PTPRD: variants seen among roughly 807,000 people sequenced by gnomAD.
The protein encoded by PTPRD is protein tyrosine phosphatase receptor type D.
A neutral mutation model predicts 214.5 loss-of-function variants in PTPRD; 34 were observed. The observed-to-expected ratio is 0.16, with a 90% CI of 0.12 to 0.21. The LOEUF is 0.21. Among genes scored for constraint, PTPRD ranks in the 10% least tolerant of loss-of-function variants. The probability of loss-of-function intolerance (pLI) is 1.00; values close to 1 mark genes in which losing one functional copy is unlikely to be tolerated. For synonymous variants in PTPRD, 1,128 were observed against 845.7 expected (o/e 1.33, Z -5.79); for missense variants, 2,545 against 2,398.7 (o/e 1.06, Z -1.27).
At chr9:9,896,660 T>A (rs73400678) in intron 5 of PTPRD, among the ~76,000 whole-genome samples, 1 of 151,978 alleles carries the variant, frequency 6.6e-6, no homozygotes, top group African/African-American at 2.4e-5. Context: ...AGAGGATCAG[T>A]CTAAGAAGCT....
At chr9:9,005,168 G>C (rs756987450) in intron 11 of PTPRD, among the ~76,000 whole-genome samples, 1 of 152,032 alleles carries the variant, frequency 6.6e-6, no homozygotes, top group Non-Finnish European at 1.5e-5. Flanking sequence ...GCTTAGAGGA[G>C]CTTAATAATA....
intron 11 of PTPRD, among the ~76,000 whole-genome samples, chr9:8,775,258 T>C (rs1487282740): frequency 1.3e-5 from 2 of 152,222 alleles, no homozygotes; most frequent in Non-Finnish European, 2.9e-5. Context: ...ATGGTCTGTT[T>C]AAGCTTTGTT....
At chr9:9,923,225 T>C (rs541328072) in intron 5 of PTPRD, among the ~76,000 whole-genome samples, 10 of 143,540 alleles carry the variant, frequency 7.0e-5, no homozygotes, top group African/African-American at 2.5e-4. Context: ...TGAGGTGTTG[T>C]ATATTTTTAC....
chr9:8,671,885 A>G (rs2097295664), intron 12 of PTPRD, among the ~76,000 whole-genome samples: 2 of 152,176 alleles, frequency 1.3e-5, no homozygotes, highest in African/African-American at 4.8e-5. Context: ...ACTCTCTTGG[A>G]CAATTTCAAA....
chr9:10,067,458 G>A (rs1465121231), intron 3 of PTPRD, among the ~76,000 whole-genome samples: 1 of 151,736 alleles, frequency 6.6e-6, no homozygotes, highest in Non-Finnish European at 1.5e-5. Context: ...ATAATTTTCA[G>A]TTTACTCATG....
chr9:10,318,161 T>G (rs1056358415), intron 3 of PTPRD, among the ~76,000 whole-genome samples: 1 of 152,082 alleles, frequency 6.6e-6, no homozygotes, highest in Non-Finnish European at 1.5e-5. Context: ...TTGCTCTTCC[T>G]GCATTCCTTC....
chr9:10,477,294 TAAAC>T (rs1211919803), intron 2 of PTPRD, among the ~76,000 whole-genome samples: 7 of 151,438 alleles, frequency 4.6e-5, no homozygotes, highest in East Asian at 1.9e-4. Context: ...AAGAAAAAAA[TAAAC>T]AACCCCATCA....
At chr9:9,792,645 G>C (rs1014440995) in intron 5 of PTPRD, among the ~76,000 whole-genome samples, 2 of 152,142 alleles carry the variant, frequency 1.3e-5, no homozygotes, top group Non-Finnish European at 2.9e-5. Context: ...AGTACACTCA[G>C]TGGCTTCAAG....
chr9:10,327,385 C>T (rs373007984), intron 3 of PTPRD, among the ~76,000 whole-genome samples: 1 of 151,402 alleles, frequency 6.6e-6, no homozygotes, highest in Admixed American at 6.6e-5. Flanking sequence ...ATAAATTGAT[C>T]ATAAAATGTA....
intron 14 of PTPRD, among the ~76,000 whole-genome samples, chr9:8,540,222 G>C (rs555872972): frequency 6.6e-6 from 1 of 152,120 alleles, no homozygotes; most frequent in African/African-American, 2.4e-5. Context: ...TATTCCCAAA[G>C]CATCTGGGTA....
chr9:10,067,497 G>T (rs1391277664), intron 3 of PTPRD, among the ~76,000 whole-genome samples: 1 of 151,876 alleles, frequency 6.6e-6, no homozygotes. Context: ...AGGATAAAAA[G>T]CAGTGAGATA....
chr9:8,718,538 G>C (rs1226723864), intron 12 of PTPRD, among the ~76,000 whole-genome samples: 1 of 151,756 alleles, frequency 6.6e-6, no homozygotes, highest in African/African-American at 2.4e-5. Context: ...TCATGCTGTG[G>C]GGCTCTCACT....
chr9:8,611,804 A>AGAGGAGAGG (rs2095459167), intron 14 of PTPRD, among the ~76,000 whole-genome samples: 1 of 145,462 alleles, frequency 6.9e-6, no homozygotes, highest in East Asian at 2.1e-4. Flanking sequence ...GAAAAGAAAA[A>AGAGGAGAGG]AGAGGAGAGG....
chr9:9,593,445 G>T (rs1592451236), intron 7 of PTPRD, among the ~76,000 whole-genome samples: 1 of 152,046 alleles, frequency 6.6e-6, no homozygotes, highest in East Asian at 1.9e-4. Flanking sequence ...AGTAAACATG[G>T]TTTTGTTGTT....
chr9:10,569,016 C>T (rs909503354), intron 2 of PTPRD, among the ~76,000 whole-genome samples: 1 of 151,974 alleles, frequency 6.6e-6, no homozygotes, highest in Non-Finnish European at 1.5e-5. Flanking sequence ...TTTTTACAAC[C>T]TACTCACCTG....
At chr9:9,362,561 C>T (rs1048703042) in intron 9 of PTPRD, among the ~76,000 whole-genome samples, 1 of 151,054 alleles carries the variant, frequency 6.6e-6, no homozygotes. Context: ...TGTATAACTT[C>T]ATTTCTAAAA....
chr9:8,894,537 T>G (rs971542625), intron 11 of PTPRD, among the ~76,000 whole-genome samples: 1 of 152,012 alleles, frequency 6.6e-6, no homozygotes, highest in East Asian at 1.9e-4. Flanking sequence ...GCTTAGAAAC[T>G]GTAAGTGGGT....
In PTPRD at chr9:8,934,445, ATAAATT is replaced by A. The variant is rs1170435201; in HGVS notation, c.-104+84246_-104+84251del. On this transcript the variant is annotated intron_variant, in intron 11 of 45. Coordinates refer to ENST00000381196, the MANE Select transcript of PTPRD (RefSeq NM_002839.4). ...TGTATATATATATATAAATATATAT[ATAAATT>A]TATATATATATAAATATATATATAT... Among the ~76,000 whole-genome samples the A allele has an allele frequency of 1.7e-3, 79 of 46,994 alleles. 2 individuals are homozygous for A. The highest frequency in any genetic ancestry group is 7.0e-3 in the African/African-American group (67 of 9,508). 30.8% of individuals were successfully genotyped at this position (46,994 alleles called of 152,430 possible).
chr9:9,921,551 G>C (rs2082539522), intron 5 of PTPRD, among the ~76,000 whole-genome samples: 2 of 151,220 alleles, frequency 1.3e-5, no homozygotes, highest in Non-Finnish European at 2.9e-5. Context: ...ATGAAATAGA[G>C]TATATTCAAG....
Sources: gnomAD v4.1 joint callset for allele counts (sites outside exome capture counted in the v4.1 genomes callset) on GRCh38, gnomAD v4.1.1 for gene constraint, MANE v1.5 for transcripts, NCBI Gene and HGNC (gene_info 2026-07-23, HGNC 2026-07-21) for gene names.